The following TMEM50B variants were observed in gnomAD, a reference collection of about 807,000 sequenced individuals.
TMEM50B encodes the protein HCV p7-trans-regulated protein 3.
TMEM50B carries 14 observed loss-of-function variants against 23.4 expected under a neutral mutation model. The observed-to-expected ratio is 0.60, with a 90% confidence interval of 0.39 to 0.93. The LOEUF (loss-of-function observed/expected upper bound fraction) is 0.93. Among genes scored for constraint, TMEM50B ranks in the 40% least tolerant of loss-of-function variants. The pLI is 0.00. For missense variants in TMEM50B, 159 were observed against 193.0 expected, an observed-to-expected ratio of 0.82 and a Z score of 1.04; for synonymous variants, 64 against 62.3, an observed-to-expected ratio of 1.03 and a Z score of -0.13.
chr21:33,454,385 G>A (rs1219438219), intron 6 of TMEM50B, among the ~76,000 whole-genome samples: 1 of 151,880 alleles, frequency 6.6e-6, no homozygotes, highest in Admixed American at 6.6e-5. Context: ...TCCAACCCCC[G>A]TGTCTCCTGG....
intron 6 of TMEM50B, among the ~76,000 whole-genome samples, chr21:33,452,673 CT>C (rs1326285281): frequency 6.6e-6 from 1 of 152,192 alleles, no homozygotes; most frequent in Non-Finnish European, 1.5e-5. Context: ...CAAATTGTTT[CT>C]GATTGTTTCT....
chr21:33,458,229 T>C (rs1284131707), intron 5 of TMEM50B, among the ~76,000 whole-genome samples: 1 of 152,142 alleles, frequency 6.6e-6, no homozygotes, highest in Admixed American at 6.6e-5. Context: ...AAACACACTT[T>C]CCGGCTGGGC....
chr21:33,457,556 C>G (rs1218766049), intron 5 of TMEM50B, among the ~76,000 whole-genome samples: 2 of 150,474 alleles, frequency 1.3e-5, no homozygotes, highest in African/African-American at 2.4e-5. Flanking sequence ...GAAGCTGAGG[C>G]AGGAGAATCG....
At chr21:33,466,021 A>C (rs1876414774) in intron 3 of TMEM50B, among the ~76,000 whole-genome samples, 1 of 152,100 alleles carries the variant, frequency 6.6e-6, no homozygotes, top group South Asian at 2.1e-4. Context: ...CAGCACTTTG[A>C]GAGTCCACAG....
intron 1 of TMEM50B, among the ~76,000 whole-genome samples, chr21:33,476,241 G>A (rs573757910): frequency 4.0e-5 from 6 of 151,868 alleles, no homozygotes; most frequent in Non-Finnish European, 4.4e-5. Context: ...AAAATTAGCC[G>A]AGGTGGTGGC....
At chr21:33,473,927 A>C (rs2084342480) in intron 1 of TMEM50B, among the ~76,000 whole-genome samples, 1 of 152,228 alleles carries the variant, frequency 6.6e-6, no homozygotes, top group Non-Finnish European at 1.5e-5. Flanking sequence ...AAAAGACAGA[A>C]GACCATATAT....
intron 6 of TMEM50B, among the ~76,000 whole-genome samples, chr21:33,453,763 A>C (rs2084143872): frequency 1.3e-5 from 2 of 152,260 alleles, no homozygotes; most frequent in East Asian, 3.9e-4. Context: ...AGAGGCAGAT[A>C]AAATTTTATA....
At chr21:33,468,627 T>C (rs1161487367) in intron 2 of TMEM50B, 160 bp downstream of exon 2, 4 of 584,086 alleles carry the variant, frequency 6.8e-6, no homozygotes, top group Non-Finnish European at 9.1e-6. Flanking sequence ...GCCTACCATA[T>C]TCTGCTTGGC....
chr21:33,463,457 G>GT (rs1011440064), intron 4 of TMEM50B, among the ~76,000 whole-genome samples: 26 of 152,186 alleles, frequency 1.7e-4, no homozygotes, highest in African/African-American at 6.3e-4. Flanking sequence ...AAGTAGATCA[G>GT]TAGTGGCCAC....
rs1205194289 is a variant in TMEM50B, at chr21:33,460,435, A to C, written c.351T>G (p.Leu117=). The change falls in exon 5 of 7, where the codon CTT becomes CTG. Residue 117 remains leucine, a synonymous_variant. Transcript: ENST00000542230. ...TACTTTGGGTAACATATGCACCAAA[A>C]AGAATCCACATGGAAGCAATAAGTG... ...FGSLIASMWI[L]FGAYVTQNTD... 6.2e-7 allele frequency: 1 copy of C among 1,609,182 alleles called. No individual in the cohort carries two copies. Among genetic ancestry groups the C allele is most frequent in the East Asian group, 2.2e-5 (1 of 44,834 alleles).
chr21:33,454,118 A>AG (rs2084147565), intron 6 of TMEM50B, among the ~76,000 whole-genome samples: 1 of 151,698 alleles, frequency 6.6e-6, no homozygotes, highest in Non-Finnish European at 1.5e-5. Flanking sequence ...AAAAAAAAAA[A>AG]AAGACATTCA....
chr21:33,433,062 T>G (rs1269808706), intron 8 of TMEM50B, among the ~76,000 whole-genome samples: 1 of 152,072 alleles, frequency 6.6e-6, no homozygotes, highest in Admixed American at 6.6e-5. Context: ...ATTTTTGTAT[T>G]TTTGGTAGAA....
intron 6 of TMEM50B, among the ~76,000 whole-genome samples, chr21:33,453,486 A>C (rs2084141400): frequency 6.6e-6 from 1 of 152,190 alleles, no homozygotes; most frequent in South Asian, 2.1e-4. Context: ...GACAACTTCG[A>C]GCAGCCTATT....
At chr21:33,469,295 C>CA (rs2084291459) in intron 1 of TMEM50B, among the ~76,000 whole-genome samples, 1 of 152,008 alleles carries the variant, frequency 6.6e-6, no homozygotes, top group African/African-American at 2.4e-5. Context: ...ACTAAAAATA[C>CA]AAAAAATTAA....
chr21:33,474,221 G>C (rs967634266), intron 1 of TMEM50B, among the ~76,000 whole-genome samples: 1 of 143,100 alleles, frequency 7.0e-6, no homozygotes, highest in African/African-American at 2.5e-5. Flanking sequence ...TTTTTTAAGA[G>C]AGACAGGGTT....
At chr21:33,438,556 G>C (rs2083979051) in intron 8 of TMEM50B, among the ~76,000 whole-genome samples, 1 of 152,090 alleles carries the variant, frequency 6.6e-6, no homozygotes, top group Non-Finnish European at 1.5e-5. Flanking sequence ...CCAGCACTTT[G>C]GGAGGCCGAG....
At chr21:33,459,775 C>G (rs2123432762) in intron 5 of TMEM50B, among the ~76,000 whole-genome samples, 1 of 152,096 alleles carries the variant, frequency 6.6e-6, no homozygotes, top group Middle Eastern at 3.4e-3. Context: ...GGTCTATACC[C>G]CTTATCTGAA....
At chr21:33,434,803 A>G (rs2083927939) in intron 8 of TMEM50B, among the ~76,000 whole-genome samples, 1 of 152,146 alleles carries the variant, frequency 6.6e-6, no homozygotes. Flanking sequence ...ACAGCTCCTA[A>G]CAGGTCTCAG....
chr21:33,448,868 C>A (rs1046050073), downstream of TMEM50B: 1 of 150,600 alleles, frequency 6.6e-6, no homozygotes, highest in Non-Finnish European at 1.5e-5. Context: ...GGTTGCACCA[C>A]TGCACTCCAG....
Sources: allele counts gnomAD v4.1 joint callset (sites outside exome capture counted in the v4.1 genomes callset), GRCh38; gene constraint gnomAD v4.1.1; transcripts MANE v1.5; gene names NCBI Gene and HGNC (gene_info 2026-07-23, HGNC 2026-07-21).